Variants in ARMC3 observed in about 807,000 individuals in gnomAD.
ARMC3 encodes armadillo repeat containing 3.
A neutral mutation model predicts 90.3 loss-of-function variants in ARMC3; 74 were observed. That is an observed-to-expected ratio of 0.82 (90% CI 0.68 to 0.99). The LOEUF (loss-of-function observed/expected upper bound fraction) is 0.99, where lower values mean the gene tolerates loss of function less well. Ranked by LOEUF, ARMC3 falls within the 50% of genes least tolerant of loss-of-function variation. The probability of loss-of-function intolerance (pLI) is 0.00; values close to 1 mark genes in which losing one functional copy is unlikely to be tolerated. For synonymous variants in ARMC3, 334 were observed against 361.8 expected (o/e 0.92, Z 0.87); for missense variants, 958 against 1,042.8 (o/e 0.92, Z 1.12).
chr10:22,985,576 G>A (rs1179717865), intron 10 of ARMC3, among the ~76,000 whole-genome samples: 1 of 152,088 alleles, frequency 6.6e-6, no homozygotes, highest in Non-Finnish European at 1.5e-5. Context: ...ATACAGGAGG[G>A]CCTGATGCCT....
chr10:23,037,183 C>A (rs1474570209), intron 18 of ARMC3, 87 bp from the exon 19 acceptor site: 3 of 1,231,698 alleles, frequency 2.4e-6, no homozygotes, highest in Non-Finnish European at 3.3e-6. Flanking sequence ...TGTATTTCAC[C>A]TTCAATCAAG....
intron 10 of ARMC3, among the ~76,000 whole-genome samples, chr10:22,983,231 GT>G (rs982960992): frequency 6.6e-5 from 10 of 152,130 alleles, no homozygotes; most frequent in African/African-American, 2.4e-4. Context: ...GAGTGTATAG[GT>G]GTCTTGATTT....
intron 3 of ARMC3, 24 bp downstream of exon 3, chr10:22,946,285 T>A: frequency 6.8e-7 from 1 of 1,477,022 alleles, no homozygotes. Context: ...TCAGTTTATC[T>A]TTCTGTTTCA....
chr10:23,015,476 G>A (rs546241069), intron 16 of ARMC3, among the ~76,000 whole-genome samples: 1 of 152,266 alleles, frequency 6.6e-6, no homozygotes, highest in South Asian at 2.1e-4. Context: ...GATAAGTTCT[G>A]TCTACACTGT....
intron 18 of ARMC3, among the ~76,000 whole-genome samples, chr10:23,034,146 T>A (rs1453802642): frequency 6.6e-6 from 1 of 152,172 alleles, no homozygotes; most frequent in Non-Finnish European, 1.5e-5. Context: ...CCCTTTCCTA[T>A]TCCCTTGGAT....
At chr10:22,937,142 A>G (rs1320055440) in intron 2 of ARMC3, among the ~76,000 whole-genome samples, 1 of 152,032 alleles carries the variant, frequency 6.6e-6, no homozygotes, top group Non-Finnish European at 1.5e-5. Flanking sequence ...GGCTCAAGAG[A>G]TCTTCCCCCC....
chr10:22,929,255 AGAGAGAGAGAGG>A (rs1434661848), intron 1 of ARMC3, among the ~76,000 whole-genome samples: 3 of 150,282 alleles, frequency 2.0e-5, no homozygotes, highest in African/African-American at 7.4e-5. Context: ...AAAAGAGAAG[AGAGAGAGAGAGG>A]GAGAGAGAGA....
chr10:22,942,956 A>G (rs542296662), intron 2 of ARMC3, among the ~76,000 whole-genome samples: 48 of 152,366 alleles, frequency 3.2e-4, no homozygotes, highest in African/African-American at 1.1e-3. Flanking sequence ...ACCAAATATG[A>G]AAGAGTGAAT....
At chr10:22,934,951 G>A (rs563247642) in intron 2 of ARMC3, among the ~76,000 whole-genome samples, 2 of 152,304 alleles carry the variant, frequency 1.3e-5, no homozygotes, top group East Asian at 1.9e-4. Context: ...GAGGCCTGGT[G>A]TGTGGCCATC....
intron 16 of ARMC3, among the ~76,000 whole-genome samples, chr10:23,030,150 C>T (rs149385723): frequency 1.3e-5 from 2 of 152,232 alleles, no homozygotes; most frequent in African/African-American, 4.8e-5. Flanking sequence ...AATATAGACT[C>T]TATAAAATTC....
chr10:22,959,055 TTTC>T lies in ARMC3; in HGVS notation c.293-11_293-9del. The T allele has an allele frequency of 6.3e-7, 1 of 1,578,760 alleles. No individual in the cohort carries two copies. Among genetic ancestry groups the T allele is most frequent in the Non-Finnish European group, 8.7e-7 (1 of 1,147,944 alleles). On this transcript the variant is annotated splice_polypyrimidine_tract_variant and intron_variant, in intron 4 of 18. Transcript: ENST00000298032. ...ATTATTAATAAACATCAATACTCTG[TTTC>T]TTCCTTTGTAGATGATGTTAAAAAA...
intron 12 of ARMC3, among the ~76,000 whole-genome samples, chr10:23,002,548 CTCTT>C (rs137938291): frequency 0.23 from 33,422 of 147,286 alleles, 4,519 homozygotes; most frequent in East Asian, 0.42. Flanking sequence ...CATTTCTTTT[CTCTT>C]TCTTTCTTTC....
chr10:23,026,256 C>T (rs1393572769), intron 16 of ARMC3, among the ~76,000 whole-genome samples: 1 of 152,040 alleles, frequency 6.6e-6, no homozygotes, highest in Non-Finnish European at 1.5e-5. Flanking sequence ...CATTAGGTTA[C>T]TCTAGTGCCA....
At chr10:23,025,245 C>T (rs937354881) in intron 16 of ARMC3, among the ~76,000 whole-genome samples, 2 of 152,030 alleles carry the variant, frequency 1.3e-5, no homozygotes, top group South Asian at 4.1e-4. Flanking sequence ...GCAACAGCAG[C>T]AACCAACAAG....
In ARMC3 at chr10:22,981,347, T is replaced by C. The variant is rs143528452; in HGVS notation, c.924T>C (p.Asn308=). ...CCCTTTGGTGTATGAAAGCTGAAAA[T>C]AGAAAACTTTTTCATGAACAAGAGG... ...AITKAAYDPE[N]RKLFHEQEVE... Residue 308 remains asparagine (N), a synonymous_variant, in exon 9 of 19, where the codon AAT becomes AAC. Transcript: ENST00000298032. 1.3e-6 allele frequency: 2 copies of C among 1,594,018 alleles called. No homozygotes were observed. The highest frequency in any genetic ancestry group is 1.4e-5 in the African/African-American group (1 of 73,682).
intron 16 of ARMC3, among the ~76,000 whole-genome samples, chr10:23,010,862 T>C: frequency 1.3e-5 from 1 of 76,524 alleles, no homozygotes; most frequent in Non-Finnish European, 3.0e-5. Flanking sequence ...CTCCTTCCCT[T>C]GCCTCTCCTC....
intron 8 of ARMC3, among the ~76,000 whole-genome samples, chr10:22,979,892 G>A (rs1836108469): frequency 6.6e-6 from 1 of 152,100 alleles, no homozygotes; most frequent in Non-Finnish European, 1.5e-5. Context: ...GAGCAGGAGC[G>A]TTAATAACTT....
At chr10:22,930,050 C>T (rs771363720) in intron 1 of ARMC3, among the ~76,000 whole-genome samples, 1 of 152,114 alleles carries the variant, frequency 6.6e-6, no homozygotes, top group African/African-American at 2.4e-5. Context: ...AAATTGCTTC[C>T]TGAATATTAT....
chr10:22,942,172 G>C (rs1396828186), intron 2 of ARMC3, among the ~76,000 whole-genome samples: 1 of 152,204 alleles, frequency 6.6e-6, no homozygotes, highest in Non-Finnish European at 1.5e-5. Flanking sequence ...AACAGAGGGA[G>C]TAAATGGACT....
Sources: gnomAD v4.1 joint callset for allele counts (sites outside exome capture counted in the v4.1 genomes callset) on GRCh38, gnomAD v4.1.1 for gene constraint, MANE v1.5 for transcripts, NCBI Gene and HGNC (gene_info 2026-07-23, HGNC 2026-07-21) for gene names.